Variants in RORA observed in about 807,000 individuals in gnomAD.
RORA encodes nuclear receptor ROR-alpha.
A neutral mutation model predicts 69.5 loss-of-function variants in RORA; 7 were observed. The ratio of observed to expected loss-of-function variants is 0.10; its 90% CI spans 0.06 to 0.19. RORA has a LOEUF of 0.19. Ranked by LOEUF, RORA falls within the 10% of genes least tolerant of loss-of-function variation. The probability of loss-of-function intolerance (pLI) is 1.00; values close to 1 mark genes in which losing one functional copy is unlikely to be tolerated. For synonymous variants in RORA, 261 were observed against 240.8 expected, an observed-to-expected ratio of 1.08 and a Z score of -0.78; for missense variants, 457 against 663.0, an observed-to-expected ratio of 0.69 and a Z score of 3.41.
chr15:60,872,192 T>G lies in RORA; in HGVS notation c.167-193506A>C, dbSNP rs1432411418. 3.9e-5 allele frequency among the ~76,000 whole-genome samples: 6 copies of G among 152,174 alleles called. No individual in the cohort carries two copies. The South Asian group carries it at 1.2e-3, about 32-fold the overall frequency. The stretch of plus-strand genomic sequence containing the variant: ...CTGTACATACTTTAAGCTGTGATCT[T>G]GCATTGGCCATTTAACCTCCTATAG... On this transcript the variant is annotated intron_variant, in intron 1 of 10. Coordinates refer to ENST00000335670, the MANE Select transcript of RORA (RefSeq NM_134261.3).
At chr15:61,046,790 G>A (rs1412850822) in intron 1 of RORA, among the ~76,000 whole-genome samples, 1 of 152,174 alleles carries the variant, frequency 6.6e-6, no homozygotes, top group Non-Finnish European at 1.5e-5. Flanking sequence ...TCAACAGAGA[G>A]GGAAGAAACA....
chr15:61,106,783 G>A (rs2078953516), intron 1 of RORA, among the ~76,000 whole-genome samples: 1 of 152,140 alleles, frequency 6.6e-6, no homozygotes, highest in South Asian at 2.1e-4. Flanking sequence ...GGGAGGCCAA[G>A]GGCCCTTGAA....
At chr15:60,934,467 T>TTTTTTGTTG (rs899552642) in intron 1 of RORA, among the ~76,000 whole-genome samples, 3 of 146,922 alleles carry the variant, frequency 2.0e-5, no homozygotes, top group African/African-American at 8.0e-5. Flanking sequence ...GGCCCAAGAG[T>TTTTTTGTTG]TTGTTGTTGT....
At chr15:60,732,855 A>C (rs1192222189) in intron 1 of RORA, among the ~76,000 whole-genome samples, 1 of 151,522 alleles carries the variant, frequency 6.6e-6, no homozygotes, top group Non-Finnish European at 1.5e-5. Context: ...GCTTCTATAA[A>C]GACTATCCTG....
intron 1 of RORA, among the ~76,000 whole-genome samples, chr15:61,075,890 C>A (rs1268880583): frequency 6.6e-6 from 1 of 152,190 alleles, no homozygotes; most frequent in Admixed American, 6.5e-5. Flanking sequence ...CCTCCCCATA[C>A]GGGCTTGTGG....
chr15:60,639,039 A>T (rs1723014946), intron 2 of RORA, among the ~76,000 whole-genome samples: 1 of 152,130 alleles, frequency 6.6e-6, no homozygotes, highest in South Asian at 2.1e-4. Context: ...GAGAACAGCG[A>T]AACCGTGCCT....
intron 1 of RORA, among the ~76,000 whole-genome samples, chr15:61,146,250 C>A (rs1288739020): frequency 1.3e-5 from 2 of 152,150 alleles, no homozygotes; most frequent in Non-Finnish European, 2.9e-5. Context: ...TTTATCACTT[C>A]GCCCAGACCC....
chr15:60,677,957 G>A (rs2070578324), intron 2 of RORA, among the ~76,000 whole-genome samples: 1 of 152,188 alleles, frequency 6.6e-6, no homozygotes. Flanking sequence ...CATCAATGAT[G>A]TCTTGTTTCA....
intron 1 of RORA, among the ~76,000 whole-genome samples, chr15:60,947,149 A>C (rs1460796855): frequency 2.0e-5 from 3 of 147,384 alleles, no homozygotes; most frequent in African/African-American, 5.0e-5. Context: ...CCTTCTGGGA[A>C]GTGAGGAGCC....
At chr15:61,135,671 G>A (rs114763326) in intron 1 of RORA, among the ~76,000 whole-genome samples, 1 of 151,652 alleles carries the variant, frequency 6.6e-6, no homozygotes, top group Non-Finnish European at 1.5e-5. Flanking sequence ...CTGCAGAGCT[G>A]CTTTTGCCGG....
chr15:61,010,971 A>G (rs1895068360), intron 1 of RORA, among the ~76,000 whole-genome samples: 3 of 152,230 alleles, frequency 2.0e-5, no homozygotes, highest in African/African-American at 2.4e-5. Context: ...CATTTCAACT[A>G]CATCATGTCA....
At chr15:60,592,459 G>A (rs572748789) in intron 2 of RORA, 14 of 1,391,136 alleles carry the variant, frequency 1.0e-5, no homozygotes, top group Admixed American at 3.0e-5. Context: ...CGGATGGTCC[G>A]ACCCCGGAGC....
chr15:60,991,742 C>G (rs1894386620), intron 1 of RORA, among the ~76,000 whole-genome samples: 1 of 151,666 alleles, frequency 6.6e-6, no homozygotes, highest in Admixed American at 6.6e-5. Flanking sequence ...AGCCAAAAAA[C>G]AAAAAACAAA....
intron 1 of RORA, among the ~76,000 whole-genome samples, chr15:60,941,529 C>T (rs1892696462): frequency 6.6e-6 from 1 of 152,238 alleles, no homozygotes; most frequent in African/African-American, 2.4e-5. Flanking sequence ...GTGGGCCCTC[C>T]CAATGAGACA....
intron 1 of RORA, among the ~76,000 whole-genome samples, chr15:60,768,854 A>T (rs577255907): frequency 6.6e-6 from 1 of 152,308 alleles, no homozygotes; most frequent in Non-Finnish European, 1.5e-5. Context: ...CCACACAATG[A>T]TTATTTCAAG....
At chr15:60,512,195 TACCTG>T (rs1595885467) in intron 4 of RORA, 1 of 152,476 alleles carries the variant, frequency 6.6e-6, no homozygotes. Context: ...TACATCAGAG[TACCTG>T]ACCTAAGAAG....
chr15:60,560,963 A>T (rs1233198284), intron 2 of RORA, among the ~76,000 whole-genome samples: 2 of 152,062 alleles, frequency 1.3e-5, no homozygotes, highest in Non-Finnish European at 2.9e-5. Context: ...ACATGTCTGT[A>T]TATACACATC....
chr15:60,762,614 A>G lies in RORA; in HGVS notation c.167-83928T>C, dbSNP rs146161129. 2.6e-4 allele frequency among the ~76,000 whole-genome samples: 40 copies of G among 152,292 alleles called. No individual in the cohort carries two copies. In the South Asian group the frequency reaches 3.5e-3, roughly 13 times the overall value. ...AAAGGAGCATCTCCAGGTTGCTTATACACATATTTACTCCTACTATTACAA... is the reference window on the plus strand; with the variant it reads ...AAAGGAGCATCTCCAGGTTGCTTATGCACATATTTACTCCTACTATTACAA... On this transcript the variant is annotated intron_variant, in intron 1 of 10. Coordinates refer to ENST00000335670, the MANE Select transcript of RORA (RefSeq NM_134261.3).
chr15:61,217,808 T>C (rs2140943961), intron 1 of RORA, among the ~76,000 whole-genome samples: 1 of 152,352 alleles, frequency 6.6e-6, no homozygotes, highest in Admixed American at 6.5e-5. Flanking sequence ...TAGGCAGATG[T>C]GCCTCTAAAT....
Sources: allele counts gnomAD v4.1 joint callset (sites outside exome capture counted in the v4.1 genomes callset), GRCh38; gene constraint gnomAD v4.1.1; transcripts MANE v1.5; gene names NCBI Gene and HGNC (gene_info 2026-07-23, HGNC 2026-07-21).